ZNF486: variants seen among roughly 807,000 people sequenced by gnomAD.
ZNF486 encodes KRAB box only protein 2.
A neutral mutation model predicts 12.8 loss-of-function variants in ZNF486; 12 were observed. The ratio of observed to expected loss-of-function variants is 0.94; its 90% CI spans 0.60 to 1.52. ZNF486 has a LOEUF of 1.52. ZNF486 is among the 40% of genes most tolerant of loss of function. The pLI is 0.00. For missense variants in ZNF486, 738 were observed against 545.0 expected (o/e 1.35, Z -3.53); for synonymous variants, 231 against 184.9 (o/e 1.25, Z -2.02).
At chr19:20,191,533 G>A (rs1269170556) in intron 3 of ZNF486, among the ~76,000 whole-genome samples, 2 of 151,488 alleles carry the variant, frequency 1.3e-5, no homozygotes, top group African/African-American at 4.9e-5. Flanking sequence ...ATTTTGGGAG[G>A]CCCAGGTGGG....
intron 1 of ZNF486, among the ~76,000 whole-genome samples, chr19:20,182,603 A>G (rs1425095940): frequency 1.3e-5 from 2 of 152,174 alleles, no homozygotes; most frequent in Non-Finnish European, 2.9e-5. Flanking sequence ...TTTGGTACAG[A>G]CAGGTCAGTG....
At chr19:20,173,759 G>A (rs2089675550) in intron 1 of ZNF486, among the ~76,000 whole-genome samples, 1 of 152,062 alleles carries the variant, frequency 6.6e-6, no homozygotes, top group African/African-American at 2.4e-5. Context: ...GTGAACATGG[G>A]AGGTGGGGCT....
chr19:20,195,786 G>C (rs1179758411), intron 3 of ZNF486, among the ~76,000 whole-genome samples: 2 of 152,124 alleles, frequency 1.3e-5, no homozygotes, highest in Non-Finnish European at 2.9e-5. Flanking sequence ...TTAATAGTCA[G>C]TAATCACCTG....
At chr19:20,189,574 A>G (rs2089883021) in intron 3 of ZNF486, among the ~76,000 whole-genome samples, 1 of 152,090 alleles carries the variant, frequency 6.6e-6, no homozygotes, top group Admixed American at 6.5e-5. Context: ...TGTTTTTTTA[A>G]TTTCTCTACA....
At chr19:20,177,070 CCTCA>C (rs782761455) in intron 1 of ZNF486, 1 of 152,366 alleles carries the variant, frequency 6.6e-6, no homozygotes, top group East Asian at 1.9e-4. Flanking sequence ...GCAGCTCAGG[CCTCA>C]CTCTCTGATG....
At chr19:20,167,836 G>T (rs1337085046) in intron 1 of ZNF486, among the ~76,000 whole-genome samples, 1 of 151,054 alleles carries the variant, frequency 6.6e-6, no homozygotes, top group Non-Finnish European at 1.5e-5. Context: ...TGAGGTAAAG[G>T]GTTGCTAGGA....
intron 3 of ZNF486, chr19:20,188,278 T>C (rs1417983525): frequency 2.5e-6 from 1 of 392,798 alleles, no homozygotes; most frequent in Non-Finnish European, 4.5e-6. Flanking sequence ...CTTGTTTGAT[T>C]TGAAGGTAAT....
At chr19:20,192,054 T>A (rs1256632846) in intron 3 of ZNF486, among the ~76,000 whole-genome samples, 3 of 152,194 alleles carry the variant, frequency 2.0e-5, no homozygotes, top group African/African-American at 7.2e-5. Flanking sequence ...CCTGGTAAAT[T>A]AACTCACTTT....
chr19:20,186,788 T>TTTTTTTTTTG lies in ZNF486; in HGVS notation c.253+715_253+716insGTTTTTTTTT, dbSNP rs2089852213. The stretch of plus-strand genomic sequence containing the variant: ...TCTTCTCTAATATTTTCATAGGTTT[T>TTTTTTTTTTG]TTTTTTTTTTTTTGAGAAGGAGTCT... On this transcript the variant is annotated intron_variant, in intron 3 of 3. Transcript: ENST00000335117. Among the ~76,000 whole-genome samples the TTTTTTTTTTG allele has an allele frequency of 3.4e-5, 5 of 147,332 alleles. No homozygotes were observed. In the East Asian group the frequency reaches 8.1e-4, roughly 24 times the overall value.
intron 3 of ZNF486, among the ~76,000 whole-genome samples, chr19:20,187,429 G>A (rs1298262614): frequency 6.6e-6 from 1 of 150,920 alleles, no homozygotes; most frequent in Non-Finnish European, 1.5e-5. Flanking sequence ...CATTAAAATA[G>A]AAGCATTGAC....
chr19:20,175,728 C>G (rs1267620480), intron 1 of ZNF486, among the ~76,000 whole-genome samples: 1 of 152,240 alleles, frequency 6.6e-6, no homozygotes, highest in Non-Finnish European at 1.5e-5. Context: ...CCCATGTCTA[C>G]TTCTTTCTAC....
In ZNF486 at chr19:20,197,989, A is replaced by C. The variant is rs782668881; in HGVS notation, c.1279A>C (p.Thr427Pro). Residue 427 changes from threonine (T) to proline (P), a missense_variant, in exon 4 of 4, where the codon ACT becomes CCT. Physicochemically the swap from Thr to Pro is conservative, Grantham distance 38 (BLOSUM62 -1). Transcript: ENST00000335117. Reference sequence around the variant, plus strand: ...CTCAAATCTAACTGAACATAAGACAACTCATACTGGAGAGAAACCTTACAA... The same window carrying C: ...CTCAAATCTAACTGAACATAAGACACCTCATACTGGAGAGAAACCTTACAA... ...TSSNLTEHKT[T>P]HTGEKPYKCK... The C allele has an allele frequency of 6.2e-7, 1 of 1,613,938 alleles. No homozygotes were observed. Among genetic ancestry groups the C allele is most frequent in the East Asian group, 2.2e-5 (1 of 44,882 alleles).
rs187176265 is a variant in ZNF486, at chr19:20,193,866, C to T, written c.254-3098C>T. On this transcript the variant is annotated intron_variant, in intron 3 of 3. Coordinates refer to ENST00000335117, the MANE Select transcript of ZNF486 (RefSeq NM_052852.4). Reference sequence around the variant, plus strand: ...CAGTTTCTTATTTTCTTTTGTGTATCTATACAGCTATTATCTTAGTGGTAA... The same window carrying T: ...CAGTTTCTTATTTTCTTTTGTGTATTTATACAGCTATTATCTTAGTGGTAA... Among the ~76,000 whole-genome samples the T allele has an allele frequency of 4.0e-5, 6 of 151,114 alleles. No individual in the cohort carries two copies. In the East Asian group the frequency reaches 7.8e-4, roughly 20 times the overall value.
rs1555716381 is a variant in ZNF486 at position 20,186,056 on chromosome 19, G to C, written c.227G>C (p.Arg76Thr). ...EQGIKPLTMK[R>T]HEMIAKPPVV... The stretch of plus-strand genomic sequence containing the variant: ...GGAATAAAACCTCTGACTATGAAGA[G>C]ACATGAGATGATTGCCAAACCCCCA... The change falls in exon 3 of 4, where the codon AGA becomes ACA. Residue 76 changes from arginine to threonine, a missense_variant. Coordinates refer to ENST00000335117, the MANE Select transcript of ZNF486 (RefSeq NM_052852.4). 6.3e-7 allele frequency: 1 copy of C among 1,593,810 alleles called. No homozygotes were observed. Among genetic ancestry groups the C allele is most frequent in the South Asian group, 1.1e-5 (1 of 87,460 alleles).
chr19:20,173,177 C>T lies in ZNF486; in HGVS notation c.30+5817C>T, dbSNP rs187905788. Among the ~76,000 whole-genome samples, 160 of 152,220 alleles carry T rather than the reference C, an allele frequency of 1.1e-3. 1 individual carries two copies. Among genetic ancestry groups the T allele is most frequent in the Non-Finnish European group, 1.4e-3 (94 of 68,008 alleles). On this transcript the variant is annotated intron_variant, in intron 1 of 3. Coordinates refer to ENST00000335117, the MANE Select transcript of ZNF486 (RefSeq NM_052852.4). ...GAATGGTATTTCCTAGGTTATCTTGCAGGGTTTCTCATAATTTTGTTTTAC... is the reference window on the plus strand; with the variant it reads ...GAATGGTATTTCCTAGGTTATCTTGTAGGGTTTCTCATAATTTTGTTTTAC...
intron 1 of ZNF486, chr19:20,176,230 C>T (rs913553369): frequency 8.4e-5 from 16 of 190,570 alleles, no homozygotes; most frequent in Non-Finnish European, 1.5e-4. Context: ...ATACGATGGG[C>T]GGCCGGGCAG....
In ZNF486 at chr19:20,198,754, T is replaced by C. The variant is rs1932015332; in HGVS notation, c.*652T>C. Reference sequence around the variant, plus strand: ...CCAGGCTGGTCTCAAACTCCTGACCTCAGGTGATCCACTCGCCTCGGCTTC... The same window carrying C: ...CCAGGCTGGTCTCAAACTCCTGACCCCAGGTGATCCACTCGCCTCGGCTTC... On this transcript the variant is annotated 3_prime_UTR_variant, in exon 4 of 4. Coordinates refer to ENST00000335117, the MANE Select transcript of ZNF486 (RefSeq NM_052852.4). The C allele has an allele frequency of 6.6e-6, 1 of 152,518 alleles. No individual in the cohort carries two copies. The highest frequency in any genetic ancestry group is 2.4e-5 in the African/African-American group (1 of 41,430). The allele number at this position is 152,518 out of a possible 1,614,324, so 9.4% of individuals were successfully genotyped here. A position where few individuals can be genotyped will look rare whatever the true frequency, so the allele number is the denominator to read the frequency against.
intron 3 of ZNF486, among the ~76,000 whole-genome samples, chr19:20,192,692 T>C (rs765232313): frequency 6.6e-6 from 1 of 152,230 alleles, no homozygotes; most frequent in African/African-American, 2.4e-5. Flanking sequence ...AAAACTCAGA[T>C]GATCCTCTCA....
chr19:20,196,858 A>G (rs1167430488), intron 3 of ZNF486, 106 bp from the exon 4 acceptor site: 2 of 1,354,298 alleles, frequency 1.5e-6, no homozygotes, highest in East Asian at 2.5e-5. Flanking sequence ...GCATTTTGCT[A>G]TGTCATCTTG....
Sources: gnomAD v4.1 joint callset for allele counts (sites outside exome capture counted in the v4.1 genomes callset) on GRCh38, gnomAD v4.1.1 for gene constraint, MANE v1.5 for transcripts, NCBI Gene and HGNC (gene_info 2026-07-23, HGNC 2026-07-21) for gene names.